Variants in CTIF observed in about 807,000 individuals in gnomAD.
CTIF encodes cap binding complex dependent translation initiation factor, also known as CBP80/20-dependent translation initiation factor.
In CTIF, 21 loss-of-function variants were observed where a neutral mutation model predicts 66.0. The observed-to-expected ratio is 0.32, with a 90% CI of 0.23 to 0.46. The LOEUF (loss-of-function observed/expected upper bound fraction) is 0.46, where lower values mean the gene tolerates loss of function less well. Among genes scored for constraint, CTIF ranks in the 20% least tolerant of loss-of-function variants. The pLI is 1.00. For missense variants in CTIF, 739 were observed against 812.7 expected (o/e 0.91, Z 1.10); for synonymous variants, 345 against 326.4 (o/e 1.06, Z -0.62).
rs1011049539 is a variant in CTIF at position 48,798,560 on chromosome 18, C to T, written c.1372-18661C>T. Among the ~76,000 whole-genome samples the T allele has an allele frequency of 7.2e-5, 11 of 152,328 alleles. No individual in the cohort carries two copies. The East Asian group carries it at 1.7e-3, about 24-fold the overall frequency. On this transcript the variant is annotated intron_variant, in intron 9 of 11. Coordinates refer to ENST00000256413, the MANE Select transcript of CTIF (RefSeq NM_014772.3). The stretch of plus-strand genomic sequence containing the variant: ...CTGAGTTCCGAGTCCCATGAAGTAA[C>T]TGTGTGGCATACCGGTGTGTGTCCT...
chr18:48,638,570 G>A (rs556450078), intron 3 of CTIF, among the ~76,000 whole-genome samples: 4 of 152,206 alleles, frequency 2.6e-5, no homozygotes, highest in Non-Finnish European at 4.4e-5. Context: ...GTCATGTAGG[G>A]GTTCGCCAGA....
chr18:48,556,407 A>G (rs903064822), intron 1 of CTIF, among the ~76,000 whole-genome samples: 3 of 152,162 alleles, frequency 2.0e-5, no homozygotes, highest in Admixed American at 6.5e-5. Flanking sequence ...GAAAGCCCCA[A>G]TGCAAGGGGA....
intron 7 of CTIF, among the ~76,000 whole-genome samples, chr18:48,720,379 C>T (rs1215575913): frequency 2.0e-5 from 3 of 152,130 alleles, no homozygotes; most frequent in Non-Finnish European, 4.4e-5. Context: ...CTGAGGCCCT[C>T]GCAGACAGCT....
chr18:48,658,249 T>C (rs2091277816), intron 3 of CTIF, among the ~76,000 whole-genome samples: 3 of 151,962 alleles, frequency 2.0e-5, no homozygotes, highest in Admixed American at 6.6e-5. Context: ...CCTGTGTGCA[T>C]GGTGTGTATA....
chr18:48,742,606 A>G (rs1333118006), intron 7 of CTIF, among the ~76,000 whole-genome samples: 1 of 152,252 alleles, frequency 6.6e-6, no homozygotes, highest in Non-Finnish European at 1.5e-5. Context: ...GGATCAACTT[A>G]TTGAGCCTTG....
intron 3 of CTIF, among the ~76,000 whole-genome samples, chr18:48,656,582 G>T (rs1276917967): frequency 1.3e-5 from 2 of 152,136 alleles, no homozygotes; most frequent in Admixed American, 6.5e-5. Context: ...CTTCCCACAA[G>T]CAAGCTGTTT....
At chr18:48,624,274 G>A (rs1198022109) in intron 2 of CTIF, among the ~76,000 whole-genome samples, 2 of 152,018 alleles carry the variant, frequency 1.3e-5, no homozygotes, top group African/African-American at 4.8e-5. Flanking sequence ...AGGGATTTTA[G>A]CCCTATTCTA....
At chr18:48,727,965 G>T (rs1316291875) in intron 7 of CTIF, among the ~76,000 whole-genome samples, 1 of 151,910 alleles carries the variant, frequency 6.6e-6, no homozygotes, top group African/African-American at 2.4e-5. Context: ...TTTTTATTGT[G>T]ACAGCCCTTC....
At chr18:48,598,963 C>A (rs1206847835) in intron 1 of CTIF, among the ~76,000 whole-genome samples, 1 of 152,154 alleles carries the variant, frequency 6.6e-6, no homozygotes, top group Non-Finnish European at 1.5e-5. Flanking sequence ...ATTCCAGATT[C>A]AATAGTGGTG....
chr18:48,841,244 T>C (rs747184999), intron 10 of CTIF, among the ~76,000 whole-genome samples: 5 of 152,216 alleles, frequency 3.3e-5, no homozygotes, highest in Non-Finnish European at 7.3e-5. Context: ...GATAATCTTG[T>C]GCCCAGTTGG....
At chr18:48,545,743 GCTGCAGAAGTGTGTGCCCAAGCTGAGCC>G (rs2088731120) in intron 1 of CTIF, among the ~76,000 whole-genome samples, 1 of 152,172 alleles carries the variant, frequency 6.6e-6, no homozygotes, top group South Asian at 2.1e-4. Flanking sequence ...CAAGCTAGAG[GCTGCAGAAGTGTGTGCCCAAGCTGAGCC>G]CTGGGAGCGG....
chr18:48,791,581 G>A (rs944814802), intron 9 of CTIF, among the ~76,000 whole-genome samples: 16 of 146,224 alleles, frequency 1.1e-4, no homozygotes, highest in African/African-American at 3.7e-4. Flanking sequence ...ACCAGTTTGT[G>A]GACACAGGAA....
chr18:48,630,660 CTT>C (rs373006892), intron 2 of CTIF, among the ~76,000 whole-genome samples: 46,835 of 141,864 alleles, frequency 0.33, 8,285 homozygotes, highest in African/African-American at 0.47. Context: ...TTGTCTCTAG[CTT>C]TTTTTTTTTT....
intron 7 of CTIF, among the ~76,000 whole-genome samples, chr18:48,722,882 G>A (rs1240877709): frequency 6.6e-6 from 1 of 152,204 alleles, no homozygotes; most frequent in African/African-American, 2.4e-5. Flanking sequence ...GGTTCTGAGG[G>A]TCTTTTTCGC....
chr18:48,652,210 A>G (rs1407600398), intron 3 of CTIF, among the ~76,000 whole-genome samples: 1 of 152,186 alleles, frequency 6.6e-6, no homozygotes, highest in Non-Finnish European at 1.5e-5. Flanking sequence ...TTTTTTGAAA[A>G]GATCAACAAA....
chr18:48,584,256 A>C (rs2089721919), intron 1 of CTIF, among the ~76,000 whole-genome samples: 1 of 152,282 alleles, frequency 6.6e-6, no homozygotes, highest in Middle Eastern at 3.4e-3. Flanking sequence ...TAGGCTTCTG[A>C]TTGGAGATAG....
intron 3 of CTIF, among the ~76,000 whole-genome samples, chr18:48,652,358 C>G (rs1394944053): frequency 1.3e-5 from 2 of 152,244 alleles, no homozygotes; most frequent in Non-Finnish European, 2.9e-5. Context: ...ATAAACACCT[C>G]TACACAAATA....
chr18:48,612,320 C>T (rs906091051), intron 1 of CTIF, among the ~76,000 whole-genome samples: 2 of 152,210 alleles, frequency 1.3e-5, no homozygotes, highest in East Asian at 3.9e-4. Flanking sequence ...CCTCTCTCCT[C>T]CCCACTCCAG....
chr18:48,641,555 G>A (rs183459280), intron 3 of CTIF, among the ~76,000 whole-genome samples: 531 of 152,268 alleles, frequency 3.5e-3, no homozygotes, highest in Middle Eastern at 0.027. Flanking sequence ...ATAAGTGAAG[G>A]GCACTCTCTT....
Sources: gnomAD v4.1 joint callset for allele counts (sites outside exome capture counted in the v4.1 genomes callset) on GRCh38, gnomAD v4.1.1 for gene constraint, MANE v1.5 for transcripts, NCBI Gene and HGNC (gene_info 2026-07-23, HGNC 2026-07-21) for gene names.